The following MPRIP variants were observed in gnomAD, a reference collection of about 807,000 sequenced individuals.
The protein encoded by MPRIP is myosin phosphatase Rho-interacting protein.
A neutral mutation model predicts 234.9 loss-of-function variants in MPRIP; 59 were observed. The observed-to-expected ratio is 0.25, with a 90% confidence interval of 0.20 to 0.31. The LOEUF (loss-of-function observed/expected upper bound fraction) is 0.31, where lower values mean the gene tolerates loss of function less well. Among genes scored for constraint, MPRIP ranks in the 10% least tolerant of loss-of-function variants. The pLI, the probability that MPRIP is intolerant of heterozygous loss-of-function variation, is 1.00. For synonymous variants in MPRIP, 1,144 were observed against 1,263.9 expected (o/e 0.91, Z 2.01); for missense variants, 2,436 against 3,071.0 (o/e 0.79, Z 4.89).
Position 17,145,950 on chromosome 17 carries a change from C to T in MPRIP, c.1504-86C>T, listed in dbSNP as rs1465103799. 3.8e-6 allele frequency: 5 copies of T among 1,303,746 alleles called. No homozygotes were observed. The African/African-American group carries it at 5.9e-5, about 15-fold the overall frequency. 80.8% of individuals were successfully genotyped at this position (1,303,746 alleles called of 1,614,324 possible). The stretch of plus-strand genomic sequence containing the variant: ...GAAACCCCTTTCCTGGTACCCGCCT[C>T]ATCTGGACAGAAATACTGGCCCCAT... On this transcript the variant is annotated intron_variant, in intron 9 of 23. Coordinates refer to ENST00000651222, the MANE Select transcript of MPRIP (RefSeq NM_001364716.4).
chr17:17,170,119 T>A (rs913325497), intron 16 of MPRIP: 5 of 151,094 alleles, frequency 3.3e-5, no homozygotes, highest in African/African-American at 9.7e-5. Flanking sequence ...AAAATTGGAA[T>A]GATACAGAGA....
chr17:17,170,690 C>T (rs907741727), intron 16 of MPRIP, among the ~76,000 whole-genome samples: 4 of 152,224 alleles, frequency 2.6e-5, no homozygotes, highest in Admixed American at 2.0e-4. Flanking sequence ...AATGTGGCCA[C>T]GTTCTTCCAG....
chr17:17,136,134 C>G (rs1467562998), intron 5 of MPRIP, 85 bp from the exon 6 acceptor site: 8 of 1,490,426 alleles, frequency 5.4e-6, no homozygotes, highest in Middle Eastern at 1.7e-4. Context: ...CCGGGTGCCC[C>G]CTATAGCTAG....
chr17:17,145,870 TGCAG>T (rs1238085132), intron 9 of MPRIP, among the ~76,000 whole-genome samples, 162 bp from the exon 10 acceptor site: 1 of 152,206 alleles, frequency 6.6e-6, no homozygotes, highest in Non-Finnish European at 1.5e-5. Flanking sequence ...GAAGGCTGGT[TGCAG>T]GCAGCACCCA....
chr17:17,114,618 C>G (rs2090244886), intron 3 of MPRIP, among the ~76,000 whole-genome samples: 1 of 152,198 alleles, frequency 6.6e-6, no homozygotes, highest in Admixed American at 6.5e-5. Flanking sequence ...TTGGTGGATC[C>G]TGCTAGCTGA....
intron 3 of MPRIP, among the ~76,000 whole-genome samples, chr17:17,098,647 A>G (rs2089899636): frequency 1.3e-5 from 2 of 152,184 alleles, no homozygotes; most frequent in Non-Finnish European, 2.9e-5. Flanking sequence ...TCCCCTCTGC[A>G]TATGGGATGG....
At chr17:17,126,917 C>T (rs1369320522) in intron 4 of MPRIP, 64 bp downstream of exon 4, 1 of 1,564,818 alleles carries the variant, frequency 6.4e-7, no homozygotes, top group Non-Finnish European at 8.7e-7. Context: ...ACCAGATGGG[C>T]CGCCTGCCCC....
At chr17:17,122,555 G>A (rs147619477) in intron 3 of MPRIP, among the ~76,000 whole-genome samples, 229 of 152,180 alleles carry the variant, frequency 1.5e-3, no homozygotes, top group African/African-American at 5.2e-3. Context: ...GGGTTTCACC[G>A]TGTTAGCCAG....
chr17:17,178,161 G>A (rs1289663974), intron 22 of MPRIP, among the ~76,000 whole-genome samples: 4 of 152,090 alleles, frequency 2.6e-5, no homozygotes, highest in Non-Finnish European at 4.4e-5. Flanking sequence ...GGGCTCAAGC[G>A]ATCCAGCCAC....
At position 17,164,194 on chromosome 17, in the gene MPRIP, G is replaced by T. The variant is rs1396001629; in HGVS notation, c.2603G>T (p.Cys868Phe). The T allele has an allele frequency of 7.7e-7, 1 of 1,304,236 alleles. No individual in the cohort carries two copies. Among genetic ancestry groups the T allele is most frequent in the East Asian group, 5.5e-5 (1 of 18,044 alleles). The allele number at this position is 1,304,236 out of a possible 1,614,324, so 80.8% of individuals were successfully genotyped here. A position where few individuals can be genotyped will look rare whatever the true frequency, so the allele number is the denominator to read the frequency against. The part of the protein sequence containing the change: ...QDLQSELEAQ[C>F]QRQELITHQI... ...CTTCAAAGTGAGCTTGAAGCCCAGTGCCAGCGCCAGGAGCTGATTACACAC... is the reference window on the plus strand; with the variant it reads ...CTTCAAAGTGAGCTTGAAGCCCAGTTCCAGCGCCAGGAGCTGATTACACAC... The change falls in exon 16 of 24, where the codon TGC becomes TTC. Residue 868 changes from cysteine (C) to phenylalanine (F), a missense_variant. Transcript: ENST00000651222.
intron 1 of MPRIP, among the ~76,000 whole-genome samples, chr17:17,060,907 T>G (rs2088849700): frequency 6.6e-6 from 1 of 152,232 alleles, no homozygotes; most frequent in East Asian, 1.9e-4. Flanking sequence ...CAAGGCCCCA[T>G]GGACAACTTT....
chr17:17,131,495 G>A (rs754597627), intron 4 of MPRIP, 122 bp from the exon 5 acceptor site: 19 of 759,948 alleles, frequency 2.5e-5, no homozygotes, highest in Admixed American at 4.3e-5. Context: ...TGGCCCCAGC[G>A]TAGCAGTCTG....
At chr17:17,083,890 C>T (rs376622392) in intron 3 of MPRIP, among the ~76,000 whole-genome samples, 8 of 152,102 alleles carry the variant, frequency 5.3e-5, no homozygotes, top group African/African-American at 9.7e-5. Context: ...ACTACAGGCC[C>T]GCGCCACCAT....
At chr17:17,100,039 C>T (rs58049524) in intron 3 of MPRIP, among the ~76,000 whole-genome samples, 28 of 152,280 alleles carry the variant, frequency 1.8e-4, no homozygotes, top group African/African-American at 6.5e-4. Flanking sequence ...CCTGGGATGG[C>T]GCTGGGTGGG....
chr17:17,174,099 C>G, intron 19 of MPRIP, 24 bp downstream of exon 19: 1 of 1,610,348 alleles, frequency 6.2e-7, no homozygotes, highest in Non-Finnish European at 8.5e-7. Flanking sequence ...CAGGTGAGCC[C>G]AAGGTTAGTC....
chr17:17,076,039 ACT>A, intron 2 of MPRIP: 1 of 454,636 alleles, frequency 2.2e-6, no homozygotes, highest in Non-Finnish European at 3.9e-6. Flanking sequence ...GGTCAGGTTG[ACT>A]CTAGGAACAG....
intron 3 of MPRIP, among the ~76,000 whole-genome samples, chr17:17,102,841 G>A (rs4985698): frequency 0.083 from 12,582 of 152,278 alleles, 734 homozygotes; most frequent in East Asian, 0.16. Flanking sequence ...CGTTGAGGTC[G>A]ACACTGTGGA....
intron 23 of MPRIP, 47 bp downstream of exon 23, chr17:17,180,135 T>C: frequency 1.4e-6 from 2 of 1,445,650 alleles, no homozygotes; most frequent in Non-Finnish European, 1.9e-6. Flanking sequence ...TGAGGGACAC[T>C]GGGGAGAGTA....
intron 4 of MPRIP, among the ~76,000 whole-genome samples, chr17:17,128,708 C>T (rs2090540524): frequency 6.6e-6 from 1 of 152,186 alleles, no homozygotes; most frequent in Non-Finnish European, 1.5e-5. Context: ...TCTCACGTGG[C>T]ATAACCTCGT....
Sources: gnomAD v4.1 joint callset for allele counts (sites outside exome capture counted in the v4.1 genomes callset) on GRCh38, gnomAD v4.1.1 for gene constraint, MANE v1.5 for transcripts, NCBI Gene and HGNC (gene_info 2026-07-23, HGNC 2026-07-21) for gene names.